Variants in ARHGAP19 observed in about 807,000 individuals in gnomAD.
ARHGAP19 encodes Rho GTPase activating protein 19.
In ARHGAP19, 48 loss-of-function variants were observed where a neutral mutation model predicts 60.9. The ratio of observed to expected loss-of-function variants is 0.79; its 90% CI spans 0.62 to 1.00. The LOEUF is 1.00. Ranked by LOEUF, ARHGAP19 falls within the 50% of genes least tolerant of loss-of-function variation. ARHGAP19 has a pLI of 0.00. For missense variants in ARHGAP19, 562 were observed against 597.2 expected, an observed-to-expected ratio of 0.94 and a Z score of 0.61; for synonymous variants, 209 against 215.5, an observed-to-expected ratio of 0.97 and a Z score of 0.27.
chr10:97,289,889 A>C (rs1843207791), intron 1 of ARHGAP19, among the ~76,000 whole-genome samples: 1 of 151,934 alleles, frequency 6.6e-6, no homozygotes, highest in East Asian at 1.9e-4. Context: ...GAAAAGAAAA[A>C]GAAAAGAAAA....
At chr10:97,260,703 T>C (rs927965260) in intron 4 of ARHGAP19, among the ~76,000 whole-genome samples, 1 of 152,082 alleles carries the variant, frequency 6.6e-6, no homozygotes, top group African/African-American at 2.4e-5. Flanking sequence ...TATAAAATGA[T>C]ATAACCACTT....
chr10:97,262,577 A>T (rs1470672034), intron 4 of ARHGAP19, among the ~76,000 whole-genome samples: 2 of 152,042 alleles, frequency 1.3e-5, no homozygotes, highest in South Asian at 4.2e-4. Context: ...AGGCAGGAGA[A>T]TCACTTGAAC....
chr10:97,270,196 G>T (rs1344577017), intron 1 of ARHGAP19, among the ~76,000 whole-genome samples: 1 of 151,956 alleles, frequency 6.6e-6, no homozygotes, highest in Non-Finnish European at 1.5e-5. Flanking sequence ...TTCTTCCCAT[G>T]TTCATTCTTT....
intron 4 of ARHGAP19, among the ~76,000 whole-genome samples, 164 bp downstream of exon 4, chr10:97,263,256 C>T (rs1249578801): frequency 1.3e-5 from 2 of 152,204 alleles, no homozygotes; most frequent in Non-Finnish European, 2.9e-5. Context: ...TTAAACTTAA[C>T]TAGCCAATAC....
At chr10:97,244,882 TCAC>T (rs1179101302) in intron 7 of ARHGAP19, among the ~76,000 whole-genome samples, 10 of 148,824 alleles carry the variant, frequency 6.7e-5, no homozygotes, top group Non-Finnish European at 1.0e-4. Context: ...TTTTAACTTC[TCAC>T]TTTTTTTTTT....
At chr10:97,261,664 T>A (rs1005785783) in intron 4 of ARHGAP19, among the ~76,000 whole-genome samples, 4 of 152,234 alleles carry the variant, frequency 2.6e-5, no homozygotes, top group Admixed American at 2.0e-4. Context: ...CGTATTAGAT[T>A]TTTAAAATTC....
At chr10:97,242,715 T>C (rs1739494383) in intron 8 of ARHGAP19, among the ~76,000 whole-genome samples, 1 of 152,194 alleles carries the variant, frequency 6.6e-6, no homozygotes, top group Non-Finnish European at 1.5e-5. Flanking sequence ...GGTTTCTCCA[T>C]GTTAGTCAGG....
intron 8 of ARHGAP19, among the ~76,000 whole-genome samples, chr10:97,243,609 T>C (rs1386685830): frequency 6.6e-6 from 1 of 152,214 alleles, no homozygotes; most frequent in Non-Finnish European, 1.5e-5. Flanking sequence ...CTGTTACTAT[T>C]ACCATTTTAC....
At chr10:97,256,999 T>C (rs1166784081) in intron 5 of ARHGAP19, among the ~76,000 whole-genome samples, 1 of 152,056 alleles carries the variant, frequency 6.6e-6, no homozygotes, top group Non-Finnish European at 1.5e-5. Flanking sequence ...CGGGCGCCTG[T>C]AGTCCCAGCT....
intron 8 of ARHGAP19, among the ~76,000 whole-genome samples, chr10:97,237,170 T>A (rs1337686362): frequency 3.5e-5 from 5 of 144,298 alleles, no homozygotes; most frequent in Middle Eastern, 7.0e-3. Context: ...GAGGCTGAAG[T>A]GGGAGGATGG....
intron 6 of ARHGAP19, among the ~76,000 whole-genome samples, chr10:97,254,267 G>C (rs577870055): frequency 6.6e-6 from 1 of 152,292 alleles, no homozygotes; most frequent in South Asian, 2.1e-4. Flanking sequence ...CGAGCTTCCT[G>C]ATTTCAAAAT....
chr10:97,264,500 A>AG (rs1458489394), intron 3 of ARHGAP19, among the ~76,000 whole-genome samples: 1 of 151,958 alleles, frequency 6.6e-6, no homozygotes, highest in African/African-American at 2.4e-5. Context: ...AGAATTCTGG[A>AG]GAAAAAAGGT....
intron 7 of ARHGAP19, among the ~76,000 whole-genome samples, chr10:97,245,761 G>C (rs537545808): frequency 2.6e-5 from 4 of 152,170 alleles, no homozygotes; most frequent in African/African-American, 9.6e-5. Flanking sequence ...ACATAAAATT[G>C]TCCTTTCGTT....
At chr10:97,292,499 A>C (rs543273470) in intron 1 of ARHGAP19, 73 bp downstream of exon 1, 62 of 1,561,058 alleles carry the variant, frequency 4.0e-5, no homozygotes, top group Non-Finnish European at 5.2e-5. Flanking sequence ...CGCCTCCGTG[A>C]CCCAAGGCAA....
chr10:97,232,433 G>C (rs1274072224), intron 9 of ARHGAP19, among the ~76,000 whole-genome samples: 1 of 152,050 alleles, frequency 6.6e-6, no homozygotes, highest in Non-Finnish European at 1.5e-5. Flanking sequence ...AAAGTACTGG[G>C]ATTACAGGCG....
intron 6 of ARHGAP19, among the ~76,000 whole-genome samples, chr10:97,249,560 A>C (rs1180269070): frequency 5.9e-5 from 9 of 152,208 alleles, no homozygotes; most frequent in Non-Finnish European, 1.5e-5. Flanking sequence ...TTAGAATGTG[A>C]GACATTCTAC....
At chr10:97,251,907 A>C (rs953371551) in intron 6 of ARHGAP19, among the ~76,000 whole-genome samples, 1 of 150,932 alleles carries the variant, frequency 6.6e-6, no homozygotes, top group Admixed American at 6.6e-5. Flanking sequence ...TGAGTTCTTA[A>C]GTATTTTACA....
At chr10:97,271,323 TAATA>T (rs777198707) in intron 1 of ARHGAP19, among the ~76,000 whole-genome samples, 57 of 151,870 alleles carry the variant, frequency 3.8e-4, no homozygotes, top group Non-Finnish European at 4.7e-4. Flanking sequence ...TATCCATTCA[TAATA>T]AATAAATAAA....
chr10:97,283,852 T>A (rs1244567177), intron 1 of ARHGAP19, among the ~76,000 whole-genome samples: 3 of 117,532 alleles, frequency 2.6e-5, no homozygotes, highest in Non-Finnish European at 3.7e-5. Flanking sequence ...AAAAAAAAAC[T>A]GTCTCAATAT....
Sources: allele counts gnomAD v4.1 joint callset (sites outside exome capture counted in the v4.1 genomes callset), GRCh38; gene constraint gnomAD v4.1.1; transcripts MANE v1.5; gene names NCBI Gene and HGNC (gene_info 2026-07-23, HGNC 2026-07-21).